The following MYLK variants were observed in gnomAD, a reference collection of about 807,000 sequenced individuals.
MYLK encodes myosin light chain kinase.
Under a neutral mutation model 203.4 loss-of-function variants are expected in MYLK, and 106 were observed. The ratio of observed to expected loss-of-function variants is 0.52; its 90% CI spans 0.45 to 0.61. The LOEUF is 0.61. Ranked by LOEUF, MYLK falls within the 20% of genes least tolerant of loss-of-function variation. The pLI is 0.00. For synonymous variants in MYLK, 867 were observed against 959.5 expected (o/e 0.90, Z 1.78); for missense variants, 2,072 against 2,442.3 (o/e 0.85, Z 3.20).
intron 2 of MYLK, among the ~76,000 whole-genome samples, chr3:123,849,584 G>A (rs1327520030): frequency 6.6e-6 from 1 of 152,190 alleles, no homozygotes; most frequent in Non-Finnish European, 1.5e-5. Context: ...TTCTAGTGGT[G>A]AGAAAAGCAG....
At chr3:123,714,514 T>G (rs915042224) in intron 13 of MYLK, among the ~76,000 whole-genome samples, 1 of 152,148 alleles carries the variant, frequency 6.6e-6, no homozygotes, top group East Asian at 1.9e-4. Flanking sequence ...CTTCTTCGTC[T>G]TGGGAGGACA....
chr3:123,693,934 C>T (rs2060795605), intron 18 of MYLK, among the ~76,000 whole-genome samples: 1 of 152,204 alleles, frequency 6.6e-6, no homozygotes, highest in African/African-American at 2.4e-5. Context: ...ACTTTGCTGC[C>T]TGGAGCTCCC....
intron 5 of MYLK, among the ~76,000 whole-genome samples, chr3:123,741,784 T>G (rs1273859220): frequency 6.6e-6 from 1 of 152,224 alleles, no homozygotes; most frequent in East Asian, 1.9e-4. Context: ...TCAGGTAAAA[T>G]GTACAATTAG....
intron 2 of MYLK, among the ~76,000 whole-genome samples, chr3:123,852,883 T>C (rs2030975397): frequency 6.6e-6 from 1 of 152,138 alleles, no homozygotes; most frequent in Non-Finnish European, 1.5e-5. Context: ...GGATTTGCGG[T>C]GTTGGAAAAT....
intron 16 of MYLK, 119 bp from the exon 17 acceptor site, chr3:123,701,628 G>A (rs537902486): frequency 3.2e-6 from 3 of 942,304 alleles, no homozygotes; most frequent in African/African-American, 3.2e-5. Flanking sequence ...CGGCTTGACT[G>A]AGACATTCAC....
At chr3:123,652,215 C>T (rs1417840837) in intron 24 of MYLK, among the ~76,000 whole-genome samples, 1 of 152,014 alleles carries the variant, frequency 6.6e-6, no homozygotes, top group East Asian at 1.9e-4. Context: ...ATTAGCAGAG[C>T]TCTTGGTGCA....
At chr3:123,666,188 C>T (rs1418931075) in intron 22 of MYLK, 31 bp downstream of exon 22, 3 of 1,614,146 alleles carry the variant, frequency 1.9e-6, no homozygotes, top group South Asian at 2.2e-5. Context: ...ATTCCCAGCA[C>T]CCCCAGTGCC....
At chr3:123,754,271 T>C (rs1002304203) in intron 4 of MYLK, among the ~76,000 whole-genome samples, 6 of 152,186 alleles carry the variant, frequency 3.9e-5, no homozygotes, top group African/African-American at 1.4e-4. Context: ...GATTATTCCA[T>C]ATAGTCACCC....
rs745500351 is a variant in MYLK, at chr3:123,701,438, C to T, written c.2462G>A (p.Arg821Gln). 51 of 1,613,894 alleles carry T rather than the reference C, an allele frequency of 3.2e-5. No homozygotes were observed. Among genetic ancestry groups the T allele is most frequent in the Non-Finnish European group, 2.6e-5 (31 of 1,180,004 alleles). Residue 821 changes from arginine (R) to glutamine (Q), a missense_variant and splice_region_variant, in exon 17 of 34, where the codon CGG (arginine) becomes CAG (glutamine). Arg to Gln is a conservative substitution (Grantham distance 43). This residue lies in a region of MYLK where 865 missense variants were observed against 1,016.0 expected (regional missense o/e 0.85). Transcript: ENST00000360304. ...LQNSSARALP[R>Q]GREPASCEDL... ...AGGGGCAGCTCCTGGGGGCACTCAC[C>T]GTGGAAGGGCTCTGGCAGAGCTGTT...
At chr3:123,728,746 G>T (rs142442094) in intron 11 of MYLK, among the ~76,000 whole-genome samples, 2 of 152,240 alleles carry the variant, frequency 1.3e-5, no homozygotes, top group African/African-American at 2.4e-5. Flanking sequence ...ACTTAGCAAG[G>T]GGCAGGATGG....
chr3:123,682,923 G>T (rs2060319678), intron 19 of MYLK, among the ~76,000 whole-genome samples: 1 of 152,152 alleles, frequency 6.6e-6, no homozygotes, highest in Non-Finnish European at 1.5e-5. Flanking sequence ...AGTGAAGCTG[G>T]GCACAGCTGC....
chr3:123,788,906 T>C (rs1015841476), intron 4 of MYLK, among the ~76,000 whole-genome samples: 1 of 152,118 alleles, frequency 6.6e-6, no homozygotes, highest in Non-Finnish European at 1.5e-5. Flanking sequence ...TTAGCTCATC[T>C]GAGTCACAGC....
At chr3:123,694,626 C>T (rs2060832324) in intron 18 of MYLK, among the ~76,000 whole-genome samples, 1 of 152,250 alleles carries the variant, frequency 6.6e-6, no homozygotes, top group African/African-American at 2.4e-5. Flanking sequence ...GATTTTCTTT[C>T]AGTTTCAGTC....
chr3:123,773,684 CT>C (rs2063961639), intron 4 of MYLK, among the ~76,000 whole-genome samples: 1 of 152,224 alleles, frequency 6.6e-6, no homozygotes. Flanking sequence ...GAGGGTGAGG[CT>C]TCTGAATGGA....
chr3:123,841,234 TTAGA>T (rs1463328947), intron 2 of MYLK, among the ~76,000 whole-genome samples: 1 of 152,100 alleles, frequency 6.6e-6, no homozygotes, highest in African/African-American at 2.4e-5. Flanking sequence ...GTCTCCTATC[TTAGA>T]TGGGAGTATA....
At chr3:123,730,872 C>T (rs1180247401) in intron 11 of MYLK, among the ~76,000 whole-genome samples, 1 of 152,146 alleles carries the variant, frequency 6.6e-6, no homozygotes, top group Admixed American at 6.5e-5. Flanking sequence ...TTAAAAACCA[C>T]TGAATTGTGT....
At chr3:123,681,990 A>G in intron 20 of MYLK, 2 of 593,866 alleles carry the variant, frequency 3.4e-6, no homozygotes, top group South Asian at 1.8e-5. Flanking sequence ...GAGATGTGCA[A>G]CACCACCCAG....
chr3:123,814,555 G>A (rs917144352), intron 3 of MYLK, among the ~76,000 whole-genome samples: 1 of 152,092 alleles, frequency 6.6e-6, no homozygotes, highest in Admixed American at 6.5e-5. Flanking sequence ...TTTCCAATCT[G>A]TTTCTATGTA....
intron 5 of MYLK, among the ~76,000 whole-genome samples, chr3:123,744,585 C>T (rs56170590): frequency 0.043 from 6,526 of 152,124 alleles, 428 homozygotes; most frequent in African/African-American, 0.14. Flanking sequence ...TTTTATGATA[C>T]GGGGTTGAGT....
Sources: gnomAD v4.1 joint callset for allele counts (sites outside exome capture counted in the v4.1 genomes callset) on GRCh38, gnomAD v4.1.1 for gene constraint, gnomAD v4.1.1 regional missense constraint, MANE v1.5 for transcripts, NCBI Gene and HGNC (gene_info 2026-07-23, HGNC 2026-07-21) for gene names.